The following PCDHA5 variants were observed in gnomAD, a reference collection of about 807,000 sequenced individuals.
PCDHA5 encodes the protein protocadherin alpha 5, also known as protocadherin alpha-5.
In PCDHA5, 43 loss-of-function variants were observed where a neutral mutation model predicts 61.6. The observed-to-expected ratio is 0.70, with a 90% confidence interval of 0.55 to 0.90. The LOEUF (loss-of-function observed/expected upper bound fraction) is 0.90, where lower values mean the gene tolerates loss of function less well. Ranked by LOEUF, PCDHA5 falls within the 40% of genes least tolerant of loss-of-function variation. The pLI is 0.00. For synonymous variants in PCDHA5, 627 were observed against 543.9 expected, an observed-to-expected ratio of 1.15 and a Z score of -2.13; for missense variants, 1,298 against 1,222.7, an observed-to-expected ratio of 1.06 and a Z score of -0.92.
rs782079089 is a variant in PCDHA5, at chr5:141,009,663, C to T, written c.2537C>T (p.Ala846Val). 4 of 1,614,034 alleles carry T rather than the reference C, an allele frequency of 2.5e-6. No individual in the cohort carries two copies. Among genetic ancestry groups the T allele is most frequent in the East Asian group, 2.2e-5 (1 of 44,876 alleles). ...GGAGAAGTGTCCCCTCCAGTCGGTG[C>T]GGGTGTCAACAGCAACAGCTGGACC... Reference protein sequence around the residue: ...EAGEVSPPVGAGVNSNSWTFK... With the variant: ...EAGEVSPPVGVGVNSNSWTFK... Residue 846 changes from alanine to valine, a missense_variant, in exon 4 of 4, where the codon GCG (alanine) becomes GTG (valine). Transcript: ENST00000529859.
At position 140,927,544 on chromosome 5, in the gene PCDHA5, C is replaced by G. The variant is rs1442526060; in HGVS notation, c.2353-51405C>G. 2.5e-6 allele frequency: 4 copies of G among 1,614,034 alleles called. No homozygotes were observed. The East Asian group carries it at 6.7e-5, about 27-fold the overall frequency. ...GCTACCTGCCCGCTCAGGAGACGCA[C>G]AAGTCACCATCATTGTGGTGGACAC... On this transcript the variant is annotated intron_variant, in intron 1 of 3. Transcript: ENST00000529859.
At chr5:140,906,162 G>A (rs1421474866) in intron 1 of PCDHA5, among the ~76,000 whole-genome samples, 1 of 152,064 alleles carries the variant, frequency 6.6e-6, no homozygotes, top group Non-Finnish European at 1.5e-5. Flanking sequence ...GACACACCCA[G>A]GAACAATACT....
chr5:140,954,895 A>G (rs782412576), intron 1 of PCDHA5, among the ~76,000 whole-genome samples: 66 of 152,096 alleles, frequency 4.3e-4, no homozygotes, highest in African/African-American at 1.4e-3. Context: ...TAGGGTTTTT[A>G]TAGTTTCATA....
rs2150452884 is a variant in PCDHA5, at chr5:140,849,840, A to G, written c.2352+25713A>G. 1.9e-6 allele frequency: 3 copies of G among 1,598,334 alleles called. No individual in the cohort carries two copies. The Admixed American group carries it at 5.1e-5, about 27-fold the overall frequency. On this transcript the variant is annotated intron_variant, in intron 1 of 3. Coordinates refer to ENST00000529859, the MANE Select transcript of PCDHA5 (RefSeq NM_018908.3). ...GGTGTCTGTGGAGGTGGCCGACGTG[A>G]ACGACAACGCACCAGCGTTCGCGCA...
chr5:140,962,245 T>C (rs2095666561), intron 1 of PCDHA5, among the ~76,000 whole-genome samples: 1 of 152,170 alleles, frequency 6.6e-6, no homozygotes, highest in Non-Finnish European at 1.5e-5. Context: ...ACCATTTTCT[T>C]CAATGAAAAA....
intron 1 of PCDHA5, among the ~76,000 whole-genome samples, chr5:140,932,637 T>C (rs1554209011): frequency 6.6e-6 from 1 of 151,870 alleles, no homozygotes; most frequent in African/African-American, 2.4e-5. Context: ...TAAAAAACTT[T>C]AGAATGATGA....
At chr5:140,958,343 T>C (rs904666839) in intron 1 of PCDHA5, among the ~76,000 whole-genome samples, 2 of 152,144 alleles carry the variant, frequency 1.3e-5, no homozygotes, top group African/African-American at 4.8e-5. Flanking sequence ...TCACAGGAAG[T>C]TCACAGTCTG....
intron 3 of PCDHA5, among the ~76,000 whole-genome samples, chr5:140,983,631 C>T (rs1336337529): frequency 2.0e-5 from 3 of 152,134 alleles, no homozygotes; most frequent in African/African-American, 7.2e-5. Context: ...AAGAAATGTA[C>T]CCAAGTTCAC....
rs1554140693 is a variant in PCDHA5, at chr5:140,844,620, C to G, written c.2352+20493C>G. On this transcript the variant is annotated intron_variant, in intron 1 of 3. Coordinates refer to ENST00000529859, the MANE Select transcript of PCDHA5 (RefSeq NM_018908.3). Reference sequence around the variant, plus strand: ...ATATGACTTAGAAAAATGTTTTCATCAGAAAAACTATACATGATAATTTCA... The same window carrying G: ...ATATGACTTAGAAAAATGTTTTCATGAGAAAAACTATACATGATAATTTCA... Among the ~76,000 whole-genome samples, 3 of 149,238 alleles carry G rather than the reference C, an allele frequency of 2.0e-5. 1 individual carries two copies. Among genetic ancestry groups the G allele is most frequent in the Non-Finnish European group, 3.0e-5 (2 of 66,778 alleles).
At chr5:140,837,441 C>T (rs1199592642) in intron 1 of PCDHA5, among the ~76,000 whole-genome samples, 4 of 151,714 alleles carry the variant, frequency 2.6e-5, no homozygotes, top group Admixed American at 6.6e-5. Flanking sequence ...AAATCTAGTA[C>T]GTAGTAAAAA....
chr5:140,867,131 T>C (rs769857763), intron 1 of PCDHA5: 1 of 152,188 alleles, frequency 6.6e-6, no homozygotes, highest in African/African-American at 2.4e-5. Context: ...TTCAAATATG[T>C]GATATTATCA....
chr5:140,992,485 A>T (rs1234957114), intron 3 of PCDHA5, among the ~76,000 whole-genome samples: 1 of 152,208 alleles, frequency 6.6e-6, no homozygotes, highest in Non-Finnish European at 1.5e-5. Flanking sequence ...CCCAGAGGCC[A>T]ATCTGTAAGG....
rs143060335 is a variant in PCDHA5 at position 140,868,584 on chromosome 5, G to A, written c.2352+44457G>A. 748 of 153,118 alleles carry A rather than the reference G, an allele frequency of 4.9e-3. 7 individuals carry two copies. Among genetic ancestry groups the A allele is most frequent in the African/African-American group, 0.016 (680 of 41,552 alleles). The allele number at this position is 153,118 out of a possible 1,614,324, so 9.5% of individuals were successfully genotyped here. A position where few individuals can be genotyped will look rare whatever the true frequency, so the allele number is the denominator to read the frequency against. Reference sequence around the variant, plus strand: ...ATGAGGAACAACACTTTCAGGAAATGTTTAACCCTAGTTTTTCATGAGGCC... The same window carrying A: ...ATGAGGAACAACACTTTCAGGAAATATTTAACCCTAGTTTTTCATGAGGCC... On this transcript the variant is annotated intron_variant, in intron 1 of 3. Transcript: ENST00000529859.
chr5:140,882,717 C>G (rs1311295002), intron 1 of PCDHA5: 1 of 1,614,102 alleles, frequency 6.2e-7, no homozygotes, highest in South Asian at 1.1e-5. Flanking sequence ...CCTCCGGAAA[C>G]TCGATTTCCA....
chr5:140,850,512 G>A lies in PCDHA5; in HGVS notation c.2352+26385G>A, dbSNP rs17844334. 2.6e-5 allele frequency: 41 copies of A among 1,598,146 alleles called. 4 individuals carry two copies. The highest frequency in any genetic ancestry group is 5.1e-5 in the Admixed American group (3 of 59,282). On this transcript the variant is annotated intron_variant, in intron 1 of 3. Coordinates refer to ENST00000529859, the MANE Select transcript of PCDHA5 (RefSeq NM_018908.3). Reference sequence around the variant, plus strand: ...TGTGCTGGTGTCGCTGGTGGAGAGCGGCCAGGCGCCAAAGTCATCGTCGCG... The same window carrying A: ...TGTGCTGGTGTCGCTGGTGGAGAGCAGCCAGGCGCCAAAGTCATCGTCGCG...
chr5:140,911,378 C>T lies in PCDHA5; in HGVS notation c.2353-67571C>T, dbSNP rs184939316. On this transcript the variant is annotated intron_variant, in intron 1 of 3. Transcript: ENST00000529859. ...ACAGTAGACACCTGGCAAGGCTGTG[C>T]ATGCACCTTTCATTGCAGGTCAGCC... Among the ~76,000 whole-genome samples the T allele has an allele frequency of 8.0e-3, 1,215 of 152,282 alleles. 6 individuals carry two copies. The highest frequency in any genetic ancestry group is 0.019 in the African/African-American group (783 of 41,542).
intron 1 of PCDHA5, among the ~76,000 whole-genome samples, chr5:140,840,258 A>AT (rs1258351713): frequency 9.9e-5 from 15 of 152,108 alleles, no homozygotes; most frequent in South Asian, 2.1e-4. Context: ...AAAAATTGTG[A>AT]TTTTTTAATG....
chr5:140,873,172 G>A (rs545473160), intron 1 of PCDHA5, among the ~76,000 whole-genome samples: 1 of 152,202 alleles, frequency 6.6e-6, no homozygotes, highest in African/African-American at 2.4e-5. Flanking sequence ...GAGAGCTTTT[G>A]TATCATAATA....
chr5:140,853,006 G>A (rs1263540311), intron 1 of PCDHA5: 2 of 293,534 alleles, frequency 6.8e-6, no homozygotes, highest in Non-Finnish European at 1.1e-5. Flanking sequence ...AGCCTCCCGA[G>A]TAGCTGGGAC....
Sources: gnomAD v4.1 joint callset for allele counts (sites outside exome capture counted in the v4.1 genomes callset) on GRCh38, gnomAD v4.1.1 for gene constraint, MANE v1.5 for transcripts, NCBI Gene and HGNC (gene_info 2026-07-23, HGNC 2026-07-21) for gene names.